The following DHRSX variants were observed in gnomAD, a reference collection of about 807,000 sequenced individuals.
DHRSX encodes polyprenol dehydrogenase.
DHRSX carries 31 observed loss-of-function variants against 34.0 expected under a neutral mutation model. The observed-to-expected ratio is 0.91, with a 90% CI of 0.69 to 1.23. The LOEUF (loss-of-function observed/expected upper bound fraction) is 1.23. Ranked by LOEUF, DHRSX falls within the 50% of genes most tolerant of loss-of-function variation. DHRSX has a pLI of 0.00. For missense variants in DHRSX, 414 were observed against 428.1 expected, an observed-to-expected ratio of 0.97 and a Z score of 0.29; for synonymous variants, 201 against 183.8, an observed-to-expected ratio of 1.09 and a Z score of -0.76.
intron 3 of DHRSX, among the ~76,000 whole-genome samples, chrX:2,319,794 T>A (rs987874799): frequency 6.6e-6 from 1 of 152,056 alleles, no homozygotes; most frequent in South Asian, 2.1e-4. Flanking sequence ...TAGAGGTCAG[T>A]ACCCCTAACC....
chrX:2,387,952 C>G (rs193159667), intron 3 of DHRSX, among the ~76,000 whole-genome samples: 1 of 147,730 alleles, frequency 6.8e-6, no homozygotes, highest in South Asian at 2.2e-4. Context: ...CCCCCAGAAC[C>G]TAAATCTTGT....
At chrX:2,483,997 C>T (rs760015627) in intron 1 of DHRSX, among the ~76,000 whole-genome samples, 8 of 152,132 alleles carry the variant, frequency 5.3e-5, no homozygotes, top group Non-Finnish European at 1.2e-4. Context: ...GTGGAATACA[C>T]GGAGTCTCGC....
At chrX:2,488,671 G>T (rs373349701) in intron 1 of DHRSX, 2 of 1,610,956 alleles carry the variant, frequency 1.2e-6, no homozygotes, top group African/African-American at 1.3e-5. Flanking sequence ...CAAAGAAACC[G>T]CCGCTGACGC....
chrX:2,224,359 G>A (rs1320045180), intron 6 of DHRSX, among the ~76,000 whole-genome samples: 1 of 152,194 alleles, frequency 6.6e-6, no homozygotes, highest in African/African-American at 2.4e-5. Context: ...GTGTCTGGGG[G>A]CTTCTGTTTC....
At chrX:2,481,597 C>A (rs902855570) in intron 1 of DHRSX, among the ~76,000 whole-genome samples, 1 of 150,462 alleles carries the variant, frequency 6.6e-6, no homozygotes, top group Non-Finnish European at 1.5e-5. Context: ...ACCCAGGAGG[C>A]GGAGGTTTCT....
At chrX:2,306,463 CT>C (rs537318296) in intron 3 of DHRSX, among the ~76,000 whole-genome samples, 293 of 139,928 alleles carry the variant, frequency 2.1e-3, no homozygotes, top group East Asian at 0.011. Flanking sequence ...GATCAATTAT[CT>C]TTTTTTTTTT....
intron 3 of DHRSX, among the ~76,000 whole-genome samples, chrX:2,308,065 T>C (rs1305615800): frequency 6.6e-6 from 1 of 152,134 alleles, no homozygotes; most frequent in Non-Finnish European, 1.5e-5. Flanking sequence ...GATACCTTCA[T>C]TCTATTTAGA....
chrX:2,347,348 C>A (rs2042732467), intron 3 of DHRSX, among the ~76,000 whole-genome samples: 1 of 152,180 alleles, frequency 6.6e-6, no homozygotes, highest in African/African-American at 2.4e-5. Context: ...GACCTGCCCC[C>A]ATGATTCGGT....
intron 3 of DHRSX, among the ~76,000 whole-genome samples, chrX:2,394,021 C>T (rs28573764): frequency 0.036 from 5,474 of 152,260 alleles, 324 homozygotes; most frequent in African/African-American, 0.12. Flanking sequence ...CTGATTTGCC[C>T]GAGCACTCAT....
intron 3 of DHRSX, among the ~76,000 whole-genome samples, chrX:2,328,270 C>G (rs78645245): frequency 1.3e-5 from 2 of 151,124 alleles, no homozygotes; most frequent in Non-Finnish European, 3.0e-5. Flanking sequence ...TACAAGCCAC[C>G]CAGTCTATGG....
At chrX:2,302,927 T>C (rs996693266) in intron 3 of DHRSX, among the ~76,000 whole-genome samples, 1 of 152,066 alleles carries the variant, frequency 6.6e-6, no homozygotes, top group African/African-American at 2.4e-5. Context: ...GAGAGGCAGT[T>C]TTGCCATGGA....
At chrX:2,450,163 A>AATAAATAT (rs2044196846) in intron 1 of DHRSX, among the ~76,000 whole-genome samples, 1 of 152,172 alleles carries the variant, frequency 6.6e-6, no homozygotes, top group East Asian at 1.9e-4. Flanking sequence ...TAAATAAATA[A>AATAAATAT]ATAAATAAAA....
chrX:2,454,590 T>C (rs1464553805), intron 1 of DHRSX, among the ~76,000 whole-genome samples: 1 of 151,618 alleles, frequency 6.6e-6, no homozygotes, highest in Admixed American at 6.6e-5. Context: ...TCTCCAATAG[T>C]GTGCATCAGG....
intron 4 of DHRSX, among the ~76,000 whole-genome samples, chrX:2,275,020 T>A (rs1412292895): frequency 6.6e-6 from 1 of 152,084 alleles, no homozygotes; most frequent in African/African-American, 2.4e-5. Context: ...AGAGGAGGGA[T>A]TGACGGAAGT....
intron 3 of DHRSX, among the ~76,000 whole-genome samples, chrX:2,347,998 C>T (rs543702319): frequency 5.9e-5 from 9 of 152,288 alleles, no homozygotes; most frequent in East Asian, 1.9e-4. Context: ...TACACCCATG[C>T]GTTCTGGCAG....
At chrX:2,247,655 CAAAA>C (rs752111695) in intron 5 of DHRSX, among the ~76,000 whole-genome samples, 10 of 96,882 alleles carry the variant, frequency 1.0e-4, no homozygotes, top group Admixed American at 3.3e-4. Flanking sequence ...CTCCGTCTCA[CAAAA>C]AAAAAAAAAA....
At chrX:2,442,244 A>T (rs2044072031) in intron 1 of DHRSX, among the ~76,000 whole-genome samples, 1 of 151,958 alleles carries the variant, frequency 6.6e-6, no homozygotes, top group Admixed American at 6.6e-5. Flanking sequence ...AAAGGTCTCC[A>T]TCCTCATCGT....
Position 2,329,729 on chromosome X carries a change from G to C in DHRSX, c.287-38126C>G, listed in dbSNP as rs533993483. 4.8e-4 allele frequency among the ~76,000 whole-genome samples: 73 copies of C among 152,214 alleles called. No individual in the cohort carries two copies. The Middle Eastern group carries it at 0.01, about 21-fold the overall frequency. The stretch of plus-strand genomic sequence containing the variant: ...ACATTAACTCTCTCGAAGGACATTA[G>C]TATGACCTTCAAATCCTAGCCCGCA... On this transcript the variant is annotated intron_variant, in intron 3 of 6. Transcript: ENST00000334651.
At chrX:2,455,757 A>C (rs1323100254) in intron 1 of DHRSX, among the ~76,000 whole-genome samples, 2 of 151,640 alleles carry the variant, frequency 1.3e-5, no homozygotes, top group South Asian at 2.1e-4. Context: ...AAAAAAAAAA[A>C]AAAACAATAA....
Sources: gnomAD v4.1 joint callset for allele counts (sites outside exome capture counted in the v4.1 genomes callset) on GRCh38, gnomAD v4.1.1 for gene constraint, MANE v1.5 for transcripts, NCBI Gene and HGNC (gene_info 2026-07-23, HGNC 2026-07-21) for gene names.